Variants in MAJIN observed in about 807,000 individuals in gnomAD.
MAJIN encodes the protein membrane-anchored junction protein.
Under a neutral mutation model 30.2 loss-of-function variants are expected in MAJIN, and 27 were observed. That is an observed-to-expected ratio of 0.89 (90% CI 0.66 to 1.23). The LOEUF is 1.23. Ranked by LOEUF, MAJIN falls within the 50% of genes most tolerant of loss-of-function variation. MAJIN has a pLI of 0.00. For missense variants in MAJIN, 253 were observed against 260.3 expected, an observed-to-expected ratio of 0.97 and a Z score of 0.19; for synonymous variants, 78 against 91.6, an observed-to-expected ratio of 0.85 and a Z score of 0.85.
intron 4 of MAJIN, chr11:64,954,537 C>A: frequency 1.5e-6 from 1 of 659,612 alleles, no homozygotes; most frequent in South Asian, 1.6e-5. Context: ...AGCTCTCAGC[C>A]TCAAAGGTGC....
rs568480613 is a variant in MAJIN, at chr11:64,947,311, C to T, written c.473+63G>A. 7.0e-4 allele frequency: 984 copies of T among 1,415,434 alleles called. 2 individuals carry two copies. The highest frequency in any genetic ancestry group is 1.6e-3 in the Middle Eastern group (9 of 5,514). The allele number at this position is 1,415,434 out of a possible 1,614,324, so 87.7% of individuals were successfully genotyped here. On this transcript the variant is annotated intron_variant, in intron 8 of 10. Coordinates refer to ENST00000301896, the MANE Select transcript of MAJIN (RefSeq NM_001037225.3). Reference sequence around the variant, plus strand: ...CTCGCCCAAGGACAGGATCAACCAACAGTAATAGCTGGCAAAGCCTAACTA... The same window carrying T: ...CTCGCCCAAGGACAGGATCAACCAATAGTAATAGCTGGCAAAGCCTAACTA...
intron 1 of MAJIN, among the ~76,000 whole-genome samples, chr11:64,963,168 T>A (rs1945754417): frequency 6.6e-6 from 1 of 152,132 alleles, no homozygotes; most frequent in Non-Finnish European, 1.5e-5. Context: ...AGAGCACTAC[T>A]TTCCAGGAAA....
At chr11:64,947,500 T>C (rs1251096198) in intron 7 of MAJIN, 35 bp from the exon 8 acceptor site, 2 of 1,583,104 alleles carry the variant, frequency 1.3e-6, no homozygotes, top group Non-Finnish European at 1.7e-6. Flanking sequence ...GACTCCTCCT[T>C]TCCAGAGTTG....
chr11:64,938,449 T>C lies in MAJIN; in HGVS notation c.*126A>G. ...CGACTGAAGTGTCATAAGAAAAGGATAGAGTTGGAGGAAGAATGGCTCGGG... is the reference window on the plus strand; with the variant it reads ...CGACTGAAGTGTCATAAGAAAAGGACAGAGTTGGAGGAAGAATGGCTCGGG... On this transcript the variant is annotated 3_prime_UTR_variant, in exon 11 of 11. Transcript: ENST00000301896. 1 of 1,441,852 alleles carries C rather than the reference T, an allele frequency of 6.9e-7. No individual in the cohort carries two copies. The highest frequency in any genetic ancestry group is 9.4e-7 in the Non-Finnish European group (1 of 1,062,040). The allele number at this position is 1,441,852 out of a possible 1,614,324, so 89.3% of individuals were successfully genotyped here.
chr11:64,971,245 TGG>T (rs1945897262), intron 1 of MAJIN, among the ~76,000 whole-genome samples: 1 of 151,554 alleles, frequency 6.6e-6, no homozygotes, highest in Non-Finnish European at 1.5e-5. Context: ...CTGGCCAACA[TGG>T]TGAAACCCCA....
At chr11:64,938,697 A>G in intron 10 of MAJIN, 124 bp from the exon 11 acceptor site, 2 of 1,046,130 alleles carry the variant, frequency 1.9e-6, no homozygotes, top group Non-Finnish European at 2.8e-6. Flanking sequence ...TGGAAATTCA[A>G]GACTGAATAG....
intron 3 of MAJIN, among the ~76,000 whole-genome samples, chr11:64,957,952 T>G (rs1185841058): frequency 6.6e-6 from 1 of 152,012 alleles, no homozygotes; most frequent in Non-Finnish European, 1.5e-5. Flanking sequence ...CTGTGATTTT[T>G]TTTTTTTAAG....
intron 3 of MAJIN, among the ~76,000 whole-genome samples, chr11:64,958,280 T>C (rs894516920): frequency 1.3e-5 from 2 of 151,978 alleles, no homozygotes; most frequent in Non-Finnish European, 2.9e-5. Context: ...ATGACAAATA[T>C]TGACAGATTA....
At chr11:64,969,492 T>TAAA (rs746932402) in intron 1 of MAJIN, among the ~76,000 whole-genome samples, 7 of 138,946 alleles carry the variant, frequency 5.0e-5, no homozygotes, top group Non-Finnish European at 9.4e-5. Flanking sequence ...GGCTGTGACT[T>TAAA]AAAAAAAAAA....
At chr11:64,947,946 G>A (rs777991633) in intron 6 of MAJIN, 127 bp from the exon 7 acceptor site, 24 of 802,934 alleles carry the variant, frequency 3.0e-5, no homozygotes, top group Non-Finnish European at 4.0e-5. Context: ...TGCAACCTCC[G>A]CCTCTTGAGT....
chr11:64,969,715 G>C (rs1945868096), intron 1 of MAJIN, among the ~76,000 whole-genome samples: 1 of 151,638 alleles, frequency 6.6e-6, no homozygotes, highest in African/African-American at 2.4e-5. Flanking sequence ...TTTTGAGACG[G>C]AGTCTTACTC....
chr11:64,949,248 T>A (rs1262561319), intron 6 of MAJIN, among the ~76,000 whole-genome samples: 1 of 151,794 alleles, frequency 6.6e-6, no homozygotes, highest in Non-Finnish European at 1.5e-5. Context: ...GAGGATCACT[T>A]GAGCCCAGGA....
At chr11:64,971,459 G>C (rs1186892883) in intron 1 of MAJIN, among the ~76,000 whole-genome samples, 1 of 150,036 alleles carries the variant, frequency 6.7e-6, no homozygotes, top group Non-Finnish European at 1.5e-5. Flanking sequence ...GACGGAGGAA[G>C]TTGCGGGGGG....
chr11:64,950,329 CA>C (rs71049671), intron 5 of MAJIN, 25 bp downstream of exon 5: 84,368 of 1,187,254 alleles, frequency 0.071, 240 homozygotes, highest in African/African-American at 0.21. Flanking sequence ...GACTCCATCT[CA>C]AAAAAAAAAA....
chr11:64,950,461 CTGT>C, intron 4 of MAJIN, 31 bp from the exon 5 acceptor site: 1 of 1,579,746 alleles, frequency 6.3e-7, no homozygotes, highest in Non-Finnish European at 8.7e-7. Context: ...GACTTTAACA[CTGT>C]TGAGTCTCAG....
At chr11:64,956,208 G>A (rs1945628540) in intron 3 of MAJIN, among the ~76,000 whole-genome samples, 1 of 152,168 alleles carries the variant, frequency 6.6e-6, no homozygotes, top group Admixed American at 6.5e-5. Flanking sequence ...GCTGAGGCAG[G>A]AGAATTGCTT....
chr11:64,949,971 C>T (rs892743783), intron 5 of MAJIN, 103 bp from the exon 6 acceptor site: 2 of 1,443,356 alleles, frequency 1.4e-6, no homozygotes, highest in African/African-American at 2.8e-5. Flanking sequence ...ACCCTCCAAA[C>T]TGCCTATGGT....
chr11:64,945,659 C>T (rs891155915), intron 8 of MAJIN, among the ~76,000 whole-genome samples: 2 of 151,934 alleles, frequency 1.3e-5, no homozygotes, highest in Non-Finnish European at 2.9e-5. Context: ...CCTCAGCCTC[C>T]CGAGTAGCTG....
intron 1 of MAJIN, among the ~76,000 whole-genome samples, chr11:64,964,903 T>C (rs187579877): frequency 3.9e-5 from 6 of 152,262 alleles, no homozygotes; most frequent in African/African-American, 1.4e-4. Flanking sequence ...AGCTTTTTGA[T>C]TAAAGCTTCT....
Sources: gnomAD v4.1 joint callset for allele counts (sites outside exome capture counted in the v4.1 genomes callset) on GRCh38, gnomAD v4.1.1 for gene constraint, MANE v1.5 for transcripts, NCBI Gene and HGNC (gene_info 2026-07-23, HGNC 2026-07-21) for gene names.